Variants in FGF14 observed in about 807,000 individuals in gnomAD.
The protein encoded by FGF14 is fibroblast growth factor homologous factor 4.
In FGF14, 5 loss-of-function variants were observed where a neutral mutation model predicts 25.5. That is an observed-to-expected ratio of 0.20 (90% CI 0.10 to 0.41). The LOEUF (loss-of-function observed/expected upper bound fraction) is 0.41, where lower values mean the gene tolerates loss of function less well. Among genes scored for constraint, FGF14 ranks in the 10% least tolerant of loss-of-function variants. FGF14 has a pLI of 1.00. For synonymous variants in FGF14, 138 were observed against 118.3 expected (o/e 1.17, Z -1.08); for missense variants, 222 against 320.1 (o/e 0.69, Z 2.34).
At chr13:101,784,422 C>T (rs2039689062) in intron 3 of FGF14, among the ~76,000 whole-genome samples, 1 of 152,112 alleles carries the variant, frequency 6.6e-6, no homozygotes, top group Non-Finnish European at 1.5e-5. Flanking sequence ...TCCCACAAGG[C>T]TCCACTTATG....
chr13:102,220,175 C>T (rs767911473), intron 1 of FGF14, among the ~76,000 whole-genome samples: 7 of 152,068 alleles, frequency 4.6e-5, no homozygotes, highest in Non-Finnish European at 8.8e-5. Flanking sequence ...TCTGCTCATA[C>T]GTCCCAACCC....
intron 1 of FGF14, among the ~76,000 whole-genome samples, chr13:102,015,456 A>G (rs1041693607): frequency 6.6e-6 from 1 of 152,202 alleles, no homozygotes; most frequent in African/African-American, 2.4e-5. Flanking sequence ...CTAGCAAGAA[A>G]AATGTATACT....
chr13:102,258,123 T>C (rs576870453), intron 1 of FGF14, among the ~76,000 whole-genome samples: 12 of 152,116 alleles, frequency 7.9e-5, no homozygotes, highest in Non-Finnish European at 1.6e-4. Context: ...TATAAAACCA[T>C]CAGATCTTGT....
chr13:101,988,866 A>G (rs1441669110), intron 1 of FGF14, among the ~76,000 whole-genome samples: 1 of 152,124 alleles, frequency 6.6e-6, no homozygotes, highest in African/African-American at 2.4e-5. Flanking sequence ...TAATAAAAAA[A>G]TAAAATATAT....
chr13:102,017,893 C>A (rs553526849), intron 1 of FGF14, among the ~76,000 whole-genome samples: 1 of 152,178 alleles, frequency 6.6e-6, no homozygotes, highest in East Asian at 1.9e-4. Flanking sequence ...TATGTCCATT[C>A]CGCTACTCAG....
At position 102,032,302 on chromosome 13, in the gene FGF14, C is replaced by T. The variant is rs76525658; in HGVS notation, c.209-157006G>A. Among the ~76,000 whole-genome samples the T allele has an allele frequency of 4.6e-3, 700 of 152,152 alleles. 24 individuals are homozygous for T. In the East Asian group the frequency reaches 0.061, roughly 13 times the overall value. ...CTTCTCCCACTCTGCAAGGAGGGTC[C>T]TAATTTGTCTGACTAGTTCTTGTGC... On this transcript the variant is annotated intron_variant, in intron 1 of 4. Transcript: ENST00000376131.
intron 1 of FGF14, among the ~76,000 whole-genome samples, chr13:102,252,109 A>G (rs893896719): frequency 1.3e-5 from 2 of 152,194 alleles, no homozygotes; most frequent in Admixed American, 1.3e-4. Flanking sequence ...TAGCTGGGAA[A>G]GGCATTATGC....
At chr13:102,373,935 C>T (rs1309994737) in intron 1 of FGF14, among the ~76,000 whole-genome samples, 1 of 151,972 alleles carries the variant, frequency 6.6e-6, no homozygotes, top group Non-Finnish European at 1.5e-5. Context: ...TGAGGTGGGA[C>T]CTGAGCACTG....
intron 2 of FGF14, among the ~76,000 whole-genome samples, chr13:101,873,029 G>GA (rs200608971): frequency 0.057 from 8,106 of 141,224 alleles, 444 homozygotes; most frequent in East Asian, 0.31. Flanking sequence ...AGATACAGAA[G>GA]AAAAAAAAAA....
intron 1 of FGF14, among the ~76,000 whole-genome samples, chr13:102,196,201 G>C (rs1336706): frequency 1.3e-5 from 2 of 152,190 alleles, no homozygotes; most frequent in Middle Eastern, 6.8e-3. Flanking sequence ...GTCTAGACAA[G>C]AGAATTAAGA....
chr13:102,295,147 G>T (rs920358776), intron 1 of FGF14, among the ~76,000 whole-genome samples: 20 of 152,058 alleles, frequency 1.3e-4, no homozygotes, highest in East Asian at 1.2e-3. Flanking sequence ...TCTACAGGAG[G>T]TTCTTCATCA....
chr13:102,131,784 C>G (rs577101408), intron 1 of FGF14, among the ~76,000 whole-genome samples: 1 of 152,218 alleles, frequency 6.6e-6, no homozygotes, highest in East Asian at 1.9e-4. Context: ...TCGTAATTTT[C>G]TTAGGATTTA....
intron 1 of FGF14, among the ~76,000 whole-genome samples, chr13:101,884,084 A>AAAAAAAAAAAAAAAAAAAAC: frequency 6.7e-6 from 1 of 149,742 alleles, no homozygotes; most frequent in Non-Finnish European, 1.5e-5. Flanking sequence ...AAAAAAAAAA[A>AAAAAAAAAAAAAAAAAAAAC]AAAGACAAGG....
intron 3 of FGF14, among the ~76,000 whole-genome samples, chr13:101,835,684 G>A (rs1168850439): frequency 6.6e-6 from 1 of 152,018 alleles, no homozygotes; most frequent in Non-Finnish European, 1.5e-5. Context: ...AATAAGCTCT[G>A]TGAGTAAAGT....
chr13:102,202,881 C>T (rs1209672541), intron 1 of FGF14, among the ~76,000 whole-genome samples: 4 of 152,118 alleles, frequency 2.6e-5, no homozygotes, highest in African/African-American at 7.2e-5. Context: ...TTTAATGCCC[C>T]GTCCAAAACT....
intron 1 of FGF14, among the ~76,000 whole-genome samples, chr13:102,043,634 A>G (rs534660421): frequency 6.6e-6 from 1 of 152,322 alleles, no homozygotes; most frequent in East Asian, 1.9e-4. Context: ...ACCTTCTCAA[A>G]TAAGGCCAGT....
At chr13:102,053,149 A>T (rs2042288294) in intron 1 of FGF14, among the ~76,000 whole-genome samples, 2 of 152,124 alleles carry the variant, frequency 1.3e-5, no homozygotes, top group South Asian at 4.1e-4. Flanking sequence ...GGAACAAAGG[A>T]TCTATAAAAC....
intron 1 of FGF14, among the ~76,000 whole-genome samples, chr13:102,136,690 AAAGT>A (rs1191764552): frequency 1.1e-4 from 17 of 152,270 alleles, no homozygotes; most frequent in African/African-American, 3.6e-4. Context: ...TGAGACTGAT[AAAGT>A]TAGTCCATAG....
intron 1 of FGF14, among the ~76,000 whole-genome samples, chr13:101,887,201 A>G (rs2046033693): frequency 6.6e-6 from 1 of 151,930 alleles, no homozygotes; most frequent in African/African-American, 2.4e-5. Context: ...GGGTATATGA[A>G]AAAAAAGTCT....
Sources: gnomAD v4.1 joint callset for allele counts (sites outside exome capture counted in the v4.1 genomes callset) on GRCh38, gnomAD v4.1.1 for gene constraint, MANE v1.5 for transcripts, NCBI Gene and HGNC (gene_info 2026-07-23, HGNC 2026-07-21) for gene names.